The following ROBO2 variants were observed in gnomAD, a reference collection of about 807,000 sequenced individuals.
ROBO2 encodes the protein roundabout guidance receptor 2, also known as roundabout homolog 2.
In ROBO2, 53 loss-of-function variants were observed where a neutral mutation model predicts 160.8. The observed-to-expected ratio is 0.33, with a 90% CI of 0.26 to 0.41. ROBO2 has a LOEUF of 0.41. ROBO2 is among the 10% of genes least tolerant of loss of function. The probability of loss-of-function intolerance (pLI) is 1.00; values close to 1 mark genes in which losing one functional copy is unlikely to be tolerated. For synonymous variants in ROBO2, 664 were observed against 611.7 expected (o/e 1.09, Z -1.26); for missense variants, 1,577 against 1,722.4 (o/e 0.92, Z 1.49).
chr3:77,200,963 A>G (rs1282823962), intron 2 of ROBO2, among the ~76,000 whole-genome samples: 1 of 152,170 alleles, frequency 6.6e-6, no homozygotes, highest in African/African-American at 2.4e-5. Context: ...AGGATTATAT[A>G]TAATTCGAAT....
chr3:76,853,334 A>G (rs2069622653), intron 2 of ROBO2, among the ~76,000 whole-genome samples: 2 of 152,112 alleles, frequency 1.3e-5, no homozygotes, highest in Admixed American at 1.3e-4. Context: ...TTAGAAAGTA[A>G]TCACAAATTT....
intron 2 of ROBO2, among the ~76,000 whole-genome samples, chr3:76,707,843 C>G (rs1053959026): frequency 1.3e-5 from 2 of 151,554 alleles, no homozygotes; most frequent in South Asian, 2.1e-4. Context: ...AGAGTGATGA[C>G]AGCCAACTGG....
intron 2 of ROBO2, among the ~76,000 whole-genome samples, chr3:76,095,889 C>G (rs1415677812): frequency 6.6e-6 from 1 of 151,662 alleles, no homozygotes; most frequent in African/African-American, 2.4e-5. Flanking sequence ...ATATATAATA[C>G]TAAGCTAATA....
At chr3:77,072,990 T>C (rs1268713807) in intron 1 of ROBO2, among the ~76,000 whole-genome samples, 2 of 152,198 alleles carry the variant, frequency 1.3e-5, no homozygotes, top group East Asian at 3.8e-4. Flanking sequence ...GAAATTATTT[T>C]TACAAACATG....
At chr3:76,789,868 A>G (rs1331812425) in intron 2 of ROBO2, among the ~76,000 whole-genome samples, 1 of 151,690 alleles carries the variant, frequency 6.6e-6, no homozygotes, top group East Asian at 1.9e-4. Context: ...ATTCTACCAT[A>G]GTTCCCTACA....
At chr3:76,229,094 T>C (rs1255814824) in intron 2 of ROBO2, among the ~76,000 whole-genome samples, 1 of 151,860 alleles carries the variant, frequency 6.6e-6, no homozygotes, top group Non-Finnish European at 1.5e-5. Context: ...TATATCAGTT[T>C]CCACAATTTT....
intron 2 of ROBO2, among the ~76,000 whole-genome samples, chr3:76,592,612 T>C (rs1371321220): frequency 6.6e-6 from 1 of 152,108 alleles, no homozygotes; most frequent in Non-Finnish European, 1.5e-5. Context: ...CGTATTAGTT[T>C]CTTGTCACTG....
At chr3:77,644,557 C>G (rs1160042513) in intron 24 of ROBO2, 147 bp from the exon 27 acceptor site, 18 of 717,790 alleles carry the variant, frequency 2.5e-5, no homozygotes, top group Non-Finnish European at 4.2e-5. Flanking sequence ...TCTTTAATAT[C>G]CGGTCCTGAT....
intron 2 of ROBO2, among the ~76,000 whole-genome samples, chr3:76,632,651 A>G (rs1260287661): frequency 2.6e-5 from 4 of 152,248 alleles, no homozygotes; most frequent in African/African-American, 7.2e-5. Context: ...GATCTAGATC[A>G]TTTAAATCAT....
intron 5 of ROBO2, among the ~76,000 whole-genome samples, chr3:77,501,715 A>T (rs953702008): frequency 2.0e-5 from 3 of 152,216 alleles, no homozygotes; most frequent in African/African-American, 4.8e-5. Flanking sequence ...AATAGAAGAA[A>T]AAAAGAAACC....
intron 2 of ROBO2, among the ~76,000 whole-genome samples, chr3:76,350,052 C>T (rs2074780467): frequency 1.3e-5 from 2 of 152,020 alleles, no homozygotes; most frequent in Non-Finnish European, 2.9e-5. Context: ...CAAATACCAT[C>T]AGTACCTTTG....
At chr3:76,277,642 C>A (rs1708004565) in intron 2 of ROBO2, among the ~76,000 whole-genome samples, 1 of 151,734 alleles carries the variant, frequency 6.6e-6, no homozygotes, top group Non-Finnish European at 1.5e-5. Context: ...TACCAAAAGC[C>A]AATGTATTTT....
intron 2 of ROBO2, among the ~76,000 whole-genome samples, chr3:77,365,428 T>C (rs1288185665): frequency 6.6e-6 from 1 of 152,128 alleles, no homozygotes; most frequent in East Asian, 1.9e-4. Flanking sequence ...AAGAATTTTT[T>C]TTCTTGTTGC....
At chr3:77,454,871 A>T (rs139389563) in intron 2 of ROBO2, among the ~76,000 whole-genome samples, 5 of 152,340 alleles carry the variant, frequency 3.3e-5, no homozygotes, top group Admixed American at 3.3e-4. Context: ...GAATTATCAT[A>T]GTTTGAAGAT....
At chr3:75,927,474 C>T (rs1297147430) in intron 1 of ROBO2, among the ~76,000 whole-genome samples, 1 of 152,112 alleles carries the variant, frequency 6.6e-6, no homozygotes, top group Non-Finnish European at 1.5e-5. Flanking sequence ...AGGTAGTTTA[C>T]CTAATTAGCA....
chr3:77,215,128 C>G (rs193053574), intron 2 of ROBO2, among the ~76,000 whole-genome samples: 6 of 152,244 alleles, frequency 3.9e-5, no homozygotes, highest in South Asian at 2.1e-4. Flanking sequence ...TGTTGGCCTG[C>G]CTTGCTGGGT....
intron 2 of ROBO2, among the ~76,000 whole-genome samples, chr3:76,229,990 T>C (rs957800444): frequency 1.3e-5 from 2 of 152,130 alleles, no homozygotes; most frequent in African/African-American, 4.8e-5. Flanking sequence ...AACCTTATCA[T>C]GGATGGCAGG....
intron 2 of ROBO2, among the ~76,000 whole-genome samples, chr3:77,337,698 G>A (rs1009984725): frequency 6.6e-6 from 1 of 151,976 alleles, no homozygotes; most frequent in Admixed American, 6.6e-5. Context: ...ATGAGAACAC[G>A]ACAAAACTAA....
At chr3:76,603,286 T>G (rs1272787137) in intron 2 of ROBO2, among the ~76,000 whole-genome samples, 1 of 137,112 alleles carries the variant, frequency 7.3e-6, no homozygotes, top group Non-Finnish European at 1.5e-5. Context: ...GAGCCAAGAT[T>G]GCGCCACTGC....
Sources: gnomAD v4.1 joint callset for allele counts (sites outside exome capture counted in the v4.1 genomes callset) on GRCh38, gnomAD v4.1.1 for gene constraint, MANE v1.5 for transcripts, NCBI Gene and HGNC (gene_info 2026-07-23, HGNC 2026-07-21) for gene names.